Variants in NDUFB6 observed in about 807,000 individuals in gnomAD.
NDUFB6 encodes NADH dehydrogenase [ubiquinone] 1 beta subcomplex subunit 6.
Under a neutral mutation model 17.5 loss-of-function variants are expected in NDUFB6, and 23 were observed. The observed-to-expected ratio is 1.31, with a 90% confidence interval of 0.94 to 1.86. The LOEUF (loss-of-function observed/expected upper bound fraction) is 1.86, where lower values mean the gene tolerates loss of function less well. Ranked by LOEUF, NDUFB6 falls within the 40% of genes most tolerant of loss-of-function variation. NDUFB6 has a pLI of 0.00. For synonymous variants in NDUFB6, 60 were observed against 53.5 expected (o/e 1.12, Z -0.53); for missense variants, 167 against 153.8 (o/e 1.09, Z -0.46).
chr9:32,560,180 TCCTTTA>T (rs1287604117), intron 2 of NDUFB6, among the ~76,000 whole-genome samples: 1 of 152,210 alleles, frequency 6.6e-6, no homozygotes, highest in African/African-American at 2.4e-5. Flanking sequence ...GAAGATGCAA[TCCTTTA>T]CCTACCAAAA....
intron 1 of NDUFB6, 103 bp downstream of exon 1, chr9:32,572,778 C>T: frequency 9.2e-7 from 1 of 1,086,714 alleles, no homozygotes; most frequent in South Asian, 1.6e-5. Flanking sequence ...GAGCACTGAG[C>T]GTTATCAGTC....
At chr9:32,559,660 A>T (rs527809037) in intron 2 of NDUFB6, among the ~76,000 whole-genome samples, 10 of 152,166 alleles carry the variant, frequency 6.6e-5, no homozygotes, top group Admixed American at 5.2e-4. Flanking sequence ...CATTTCATTT[A>T]TGTTTGTCTT....
intron 2 of NDUFB6, among the ~76,000 whole-genome samples, chr9:32,562,289 G>C (rs1348135447): frequency 6.6e-6 from 1 of 152,200 alleles, no homozygotes; most frequent in African/African-American, 2.4e-5. Flanking sequence ...TAAAGGAAGA[G>C]GACATGCTAG....
At chr9:32,571,841 G>A (rs540488683) in intron 1 of NDUFB6, among the ~76,000 whole-genome samples, 10 of 152,134 alleles carry the variant, frequency 6.6e-5, no homozygotes, top group Non-Finnish European at 1.5e-4. Context: ...GGATACAAAG[G>A]GTGGGAGAAG....
chr9:32,569,831 T>G (rs1356626305), intron 2 of NDUFB6, among the ~76,000 whole-genome samples: 1 of 147,320 alleles, frequency 6.8e-6, no homozygotes, highest in Non-Finnish European at 1.5e-5. Flanking sequence ...ATAAAGTATT[T>G]TTAAATTAAA....
intron 1 of NDUFB6, among the ~76,000 whole-genome samples, chr9:32,572,267 A>T (rs1289209787): frequency 7.2e-5 from 11 of 152,236 alleles, no homozygotes; most frequent in Admixed American, 5.9e-4. Context: ...AGAGGCCTTG[A>T]AAATAAAGTT....
In NDUFB6 at chr9:32,572,923, G is replaced by A; in HGVS notation, c.138C>T (p.Phe46=). The A allele has an allele frequency of 6.2e-7, 1 of 1,605,174 alleles. No homozygotes were observed. Among genetic ancestry groups the A allele is most frequent in the Non-Finnish European group, 8.5e-7 (1 of 1,175,786 alleles). ...ATTTATTCTCCAAAAATTTATTCCA[G>A]AATTTCTCCATAGGCCCCATCTTCT... ...PPQKMGPMEK[F]WNKFLENKSP... is the part of the protein sequence containing the mutation. Residue 46 remains phenylalanine, a synonymous_variant, in exon 1 of 4, where the codon TTC becomes TTT. Transcript: ENST00000379847.
chr9:32,566,238 T>A, intron 2 of NDUFB6: 1 of 978,760 alleles, frequency 1.0e-6, no homozygotes. Flanking sequence ...TGTGGGTGGT[T>A]TTCTTATGGC....
chr9:32,553,198 G>T lies in NDUFB6; in HGVS notation c.*678C>A. The T allele has an allele frequency of 7.0e-6, 2 of 286,536 alleles. No individual in the cohort carries two copies. Among genetic ancestry groups the T allele is most frequent in the African/African-American group, 2.2e-5 (1 of 44,720 alleles). 17.7% of individuals were successfully genotyped at this position (286,536 alleles called of 1,614,324 possible). ...AAATTCTTCAAAAATGATTCGGAAA[G>T]CTTTTTTTTTTTTTGAGACGGAGTC... is the stretch of plus-strand genomic sequence containing the variant. On this transcript the variant is annotated 3_prime_UTR_variant, in exon 4 of 4. Coordinates refer to ENST00000379847, the MANE Select transcript of NDUFB6 (RefSeq NM_002493.5).
chr9:32,567,507 T>G (rs745443550), intron 2 of NDUFB6: 25 of 425,090 alleles, frequency 5.9e-5, no homozygotes, highest in Non-Finnish European at 1.1e-4. Context: ...TGTATTTTAG[T>G]AGAGATGGGG....
intron 1 of NDUFB6, 21 bp downstream of exon 1, chr9:32,572,860 C>T (rs749438264): frequency 7.2e-6 from 11 of 1,537,730 alleles, no homozygotes; most frequent in Non-Finnish European, 8.8e-6. Context: ...TTGGGGGGGA[C>T]CGGAGAGGTC....
intron 3 of NDUFB6, among the ~76,000 whole-genome samples, chr9:32,557,039 G>C (rs71523492): frequency 0.1 from 15,550 of 150,136 alleles, 1,006 homozygotes; most frequent in Middle Eastern, 0.27. Flanking sequence ...TTTATTAATA[G>C]TAGAGATGGA....
At chr9:32,568,665 T>TGTACATATACTTATATATGTATATAC (rs1435477753) in intron 2 of NDUFB6, 1 of 165,308 alleles carries the variant, frequency 6.0e-6, no homozygotes, top group African/African-American at 2.5e-5. Context: ...TATGTATATA[T>TGTACATATACTTATATATGTATATAC]GTACATATAC....
Position 32,553,642 on chromosome 9 carries a change from G to A in NDUFB6, c.*234C>T, listed in dbSNP as rs963370867. 10 of 472,952 alleles carry A rather than the reference G, an allele frequency of 2.1e-5. No homozygotes were observed. The highest frequency in any genetic ancestry group is 5.9e-5 in the African/African-American group (3 of 50,584). The allele number at this position is 472,952 out of a possible 1,614,324, so 29.3% of individuals were successfully genotyped here. A position where few individuals can be genotyped will look rare whatever the true frequency, so the allele number is the denominator to read the frequency against. On this transcript the variant is annotated 3_prime_UTR_variant, in exon 4 of 4. Coordinates refer to ENST00000379847, the MANE Select transcript of NDUFB6 (RefSeq NM_002493.5). ...ATGTAACTAAATACTTTTCCATACC[G>A]TTTTCCAAGTCAAGAATGACCAGAA...
At chr9:32,572,777 G>T in intron 1 of NDUFB6, 104 bp downstream of exon 1, 1 of 1,080,316 alleles carries the variant, frequency 9.3e-7, no homozygotes, top group Non-Finnish European at 1.3e-6. Flanking sequence ...AGAGCACTGA[G>T]CGTTATCAGT....
Position 32,571,056 on chromosome 9 carries a change from G to A in NDUFB6, c.181-4C>T. 2 of 1,584,710 alleles carry A rather than the reference G, an allele frequency of 1.3e-6. No homozygotes were observed. The highest frequency in any genetic ancestry group is 1.7e-6 in the Non-Finnish European group (2 of 1,161,298). On this transcript the variant is annotated splice_polypyrimidine_tract_variant and splice_region_variant and intron_variant, in intron 1 of 3. Coordinates refer to ENST00000379847, the MANE Select transcript of NDUFB6 (RefSeq NM_002493.5). ...TCTTTTTGTATACCCCATGGACCTG[G>A]GGGGAAAAACACATACACAAAATAA... is the stretch of plus-strand genomic sequence containing the variant.
At chr9:32,572,725 T>C (rs977369189) in intron 1 of NDUFB6, among the ~76,000 whole-genome samples, 156 bp downstream of exon 1, 2 of 152,094 alleles carry the variant, frequency 1.3e-5, no homozygotes, top group Non-Finnish European at 1.5e-5. Context: ...GACTCCTGCC[T>C]CCCGAGACTC....
chr9:32,561,614 C>G (rs1244571203), intron 2 of NDUFB6, among the ~76,000 whole-genome samples: 1 of 152,168 alleles, frequency 6.6e-6, no homozygotes, highest in South Asian at 2.1e-4. Context: ...CAAGCATGAG[C>G]CACCACACCC....
At position 32,567,234 on chromosome 9, in the gene NDUFB6, G is replaced by A. The variant is rs943001152; in HGVS notation, c.273+3726C>T. 1.3e-5 allele frequency: 6 copies of A among 473,914 alleles called. No homozygotes were observed. In the Admixed American group the frequency reaches 1.4e-4, roughly 11 times the overall value. The allele number at this position is 473,914 out of a possible 1,614,324, so 29.4% of individuals were successfully genotyped here. ...CAGGGCTCTACACCAGGTGTGCTCT[G>A]CAAAACTGGCATGGGCCGGGAACCG... On this transcript the variant is annotated intron_variant, in intron 2 of 3. Transcript: ENST00000379847.
Sources: allele counts gnomAD v4.1 joint callset (sites outside exome capture counted in the v4.1 genomes callset), GRCh38; gene constraint gnomAD v4.1.1; transcripts MANE v1.5; gene names NCBI Gene and HGNC (gene_info 2026-07-23, HGNC 2026-07-21).